The following ABHD17C variants were observed in gnomAD, a reference collection of about 807,000 sequenced individuals.
The protein encoded by ABHD17C is alpha/beta hydrolase domain-containing protein 17C.
ABHD17C carries 11 observed loss-of-function variants against 27.9 expected under a neutral mutation model. The ratio of observed to expected loss-of-function variants is 0.39; its 90% CI spans 0.25 to 0.65. The LOEUF (loss-of-function observed/expected upper bound fraction) is 0.65, where lower values mean the gene tolerates loss of function less well. Among genes scored for constraint, ABHD17C ranks in the 30% least tolerant of loss-of-function variants. The probability of loss-of-function intolerance (pLI) is 0.45; values close to 1 mark genes in which losing one functional copy is unlikely to be tolerated. For missense variants in ABHD17C, 280 were observed against 470.2 expected (o/e 0.60, Z 3.74); for synonymous variants, 233 against 209.1 (o/e 1.11, Z -0.98).
At chr15:80,734,752 C>T (rs1244483306) in intron 1 of ABHD17C, among the ~76,000 whole-genome samples, 1 of 152,110 alleles carries the variant, frequency 6.6e-6, no homozygotes, top group African/African-American at 2.4e-5. Context: ...GAGGGCCCTT[C>T]CTTGAACCAC....
At chr15:80,750,955 C>G (rs527767263) in intron 2 of ABHD17C, among the ~76,000 whole-genome samples, 42 of 151,116 alleles carry the variant, frequency 2.8e-4, no homozygotes, top group South Asian at 4.2e-4. Flanking sequence ...AAATGATTAA[C>G]AACAAATTAG....
chr15:80,741,033 G>A (rs781082070), intron 1 of ABHD17C, among the ~76,000 whole-genome samples: 1 of 152,150 alleles, frequency 6.6e-6, no homozygotes, highest in African/African-American at 2.4e-5. Context: ...TGCCCACATA[G>A]CTTGTACCCT....
At chr15:80,745,181 G>A (rs1213081685) in intron 1 of ABHD17C, among the ~76,000 whole-genome samples, 1 of 152,180 alleles carries the variant, frequency 6.6e-6, no homozygotes, top group Non-Finnish European at 1.5e-5. Context: ...CCCCCAGGAA[G>A]GACATCCTTC....
At chr15:80,706,026 A>G (rs1028025303) in intron 1 of ABHD17C, among the ~76,000 whole-genome samples, 1 of 152,224 alleles carries the variant, frequency 6.6e-6, no homozygotes, top group Admixed American at 6.5e-5. Flanking sequence ...GGCAAGGACC[A>G]GAAGGCAAAA....
At chr15:80,708,172 A>G (rs1400925558) in intron 1 of ABHD17C, among the ~76,000 whole-genome samples, 2 of 151,982 alleles carry the variant, frequency 1.3e-5, no homozygotes, top group South Asian at 2.1e-4. Flanking sequence ...ACACGTTTCT[A>G]TTACTATTTC....
intron 1 of ABHD17C, among the ~76,000 whole-genome samples, chr15:80,723,136 ATATGTGTGTGTG>A (rs1284731005): frequency 1.1e-5 from 1 of 92,430 alleles, no homozygotes; most frequent in Non-Finnish European, 2.9e-5. Context: ...GTGTGTGTAT[ATATGTGTGTGTG>A]TGTGTGTGTG....
intron 1 of ABHD17C, among the ~76,000 whole-genome samples, chr15:80,742,425 AG>A (rs1160372451): frequency 6.6e-6 from 1 of 152,204 alleles, no homozygotes; most frequent in African/African-American, 2.4e-5. Flanking sequence ...GTCCAAGGGC[AG>A]GAGATCGATG....
intron 1 of ABHD17C, among the ~76,000 whole-genome samples, chr15:80,711,702 C>T (rs1043332289): frequency 6.6e-6 from 1 of 152,174 alleles, no homozygotes; most frequent in African/African-American, 2.4e-5. Context: ...TGTATTTCCT[C>T]TCTGAACTGA....
At chr15:80,747,092 A>G (rs1336703223) in intron 1 of ABHD17C, among the ~76,000 whole-genome samples, 4 of 151,884 alleles carry the variant, frequency 2.6e-5, no homozygotes, top group African/African-American at 9.7e-5. Context: ...CTCCTCTTAT[A>G]TTTTCTTTGA....
chr15:80,722,721 T>A (rs925752469), intron 1 of ABHD17C, among the ~76,000 whole-genome samples: 2 of 152,182 alleles, frequency 1.3e-5, no homozygotes, highest in African/African-American at 4.8e-5. Context: ...ACCTCCCCAT[T>A]ACTGTCTCCC....
intron 1 of ABHD17C, among the ~76,000 whole-genome samples, chr15:80,732,899 T>C (rs1296129968): frequency 6.6e-6 from 1 of 152,226 alleles, no homozygotes; most frequent in East Asian, 1.9e-4. Flanking sequence ...GTCCTGGGGC[T>C]GCATTTGACT....
At chr15:80,747,777 G>A (rs930288962) in intron 1 of ABHD17C, among the ~76,000 whole-genome samples, 2 of 152,174 alleles carry the variant, frequency 1.3e-5, no homozygotes, top group African/African-American at 4.8e-5. Context: ...TTTAGAAATG[G>A]AGGACGGATG....
At chr15:80,741,575 T>C (rs1483998226) in intron 1 of ABHD17C, among the ~76,000 whole-genome samples, 1 of 152,152 alleles carries the variant, frequency 6.6e-6, no homozygotes, top group East Asian at 1.9e-4. Context: ...GCAGCAGTTG[T>C]CTCTTTTCTT....
chr15:80,728,268 G>C (rs79300985), intron 1 of ABHD17C, among the ~76,000 whole-genome samples: 3,871 of 152,270 alleles, frequency 0.025, 174 homozygotes, highest in East Asian at 0.11. Flanking sequence ...ACACGTGCAC[G>C]CACACTCACC....
intron 1 of ABHD17C, among the ~76,000 whole-genome samples, chr15:80,735,453 C>CTT (rs1895117070): frequency 1.3e-5 from 2 of 152,124 alleles, no homozygotes; most frequent in African/African-American, 4.8e-5. Flanking sequence ...AGCACTTCTT[C>CTT]CCACCCAGCA....
intron 1 of ABHD17C, among the ~76,000 whole-genome samples, chr15:80,718,446 C>G (rs566318736): frequency 6.6e-6 from 1 of 152,158 alleles, no homozygotes; most frequent in African/African-American, 2.4e-5. Context: ...GATTCTCCTG[C>G]CTCCGCCTCT....
At chr15:80,705,913 A>C (rs1201026891) in intron 1 of ABHD17C, among the ~76,000 whole-genome samples, 2 of 152,182 alleles carry the variant, frequency 1.3e-5, no homozygotes, top group African/African-American at 4.8e-5. Context: ...CCTGTAATCC[A>C]ACACCTGCAG....
intron 1 of ABHD17C, among the ~76,000 whole-genome samples, chr15:80,748,544 G>A (rs35197256): frequency 2.0e-5 from 3 of 151,958 alleles, no homozygotes; most frequent in Admixed American, 1.3e-4. Flanking sequence ...TTCTATGTGT[G>A]TATTAGACAT....
intron 1 of ABHD17C, among the ~76,000 whole-genome samples, chr15:80,712,684 C>T (rs1000160901): frequency 6.6e-6 from 1 of 152,134 alleles, no homozygotes; most frequent in African/African-American, 2.4e-5. Flanking sequence ...ACAGCCAGCT[C>T]ATTCTAATAT....
Sources: gnomAD v4.1 joint callset for allele counts (sites outside exome capture counted in the v4.1 genomes callset) on GRCh38, gnomAD v4.1.1 for gene constraint, MANE v1.5 for transcripts, NCBI Gene and HGNC (gene_info 2026-07-23, HGNC 2026-07-21) for gene names.